CYBB: variants seen among roughly 807,000 people sequenced by gnomAD.
The protein encoded by CYBB is cytochrome b-245 beta chain.
Under a neutral mutation model 46.5 loss-of-function variants are expected in CYBB, and 5 were observed. The ratio of observed to expected loss-of-function variants is 0.11; its 90% confidence interval spans 0.06 to 0.23. CYBB has a LOEUF of 0.23. Ranked by LOEUF, CYBB falls within the 10% of genes least tolerant of loss-of-function variation. CYBB has a pLI of 1.00. For synonymous variants in CYBB, 183 were observed against 156.7 expected, an observed-to-expected ratio of 1.17 and a Z score of -1.26; for missense variants, 307 against 428.3, an observed-to-expected ratio of 0.72 and a Z score of 2.50.
chrX:37,791,774 T>C (rs1474193295), intron 3 of CYBB, among the ~76,000 whole-genome samples: 3 of 111,982 alleles, frequency 2.7e-5, no homozygotes, highest in Non-Finnish European at 5.7e-5. Context: ...AAGCCAGCCA[T>C]GTCACTTACT....
In CYBB at chrX:37,813,362, G is replaced by T. The variant is rs893357106; in HGVS notation, c.*2445G>T. On this transcript the variant is annotated 3_prime_UTR_variant, in exon 13 of 13. Transcript: ENST00000378588. ...TTGTGTTTGTGAAATTTGAATACTT[G>T]CAGGCTTTGTATGTGAATAATTCTA... 9.0e-6 allele frequency: 1 copy of T among 110,798 alleles called. No individual in the cohort carries two copies. Among genetic ancestry groups the T allele is most frequent in the South Asian group, 3.8e-4 (1 of 2,654 alleles). 9.1% of individuals were successfully genotyped at this position (110,798 alleles called of 1,213,427 possible). A position where few individuals can be genotyped will look rare whatever the true frequency, so the allele number is the denominator to read the frequency against.
In CYBB at chrX:37,813,363, C is replaced by T. The variant is rs1477881409; in HGVS notation, c.*2446C>T. ...TGTGTTTGTGAAATTTGAATACTTG[C>T]AGGCTTTGTATGTGAATAATTCTAG... On this transcript the variant is annotated 3_prime_UTR_variant, in exon 13 of 13. Transcript: ENST00000378588. The T allele has an allele frequency of 1.8e-5, 2 of 110,760 alleles. No homozygotes were observed. The highest frequency in any genetic ancestry group is 3.8e-5 in the Non-Finnish European group (2 of 52,877). 9.1% of individuals were successfully genotyped at this position (110,760 alleles called of 1,213,427 possible). A position where few individuals can be genotyped will look rare whatever the true frequency, so the allele number is the denominator to read the frequency against.
intron 11 of CYBB, among the ~76,000 whole-genome samples, chrX:37,806,878 G>C (rs5964146): frequency 0.31 from 32,907 of 107,592 alleles, 5,753 homozygotes; most frequent in African/African-American, 0.67. Context: ...CTGTCTCTCT[G>C]TCTCTCTCTC....
intron 9 of CYBB, 73 bp downstream of exon 9, chrX:37,804,203 A>G (rs1213119287): frequency 3.2e-5 from 34 of 1,052,209 alleles, no homozygotes; most frequent in Non-Finnish European, 4.5e-5. Context: ...CTCTTCCTCC[A>G]TGTTTTACTA....
At chrX:37,786,107 A>T (rs1929061379) in intron 3 of CYBB, among the ~76,000 whole-genome samples, 1 of 112,453 alleles carries the variant, frequency 8.9e-6, no homozygotes, top group Non-Finnish European at 1.9e-5. Flanking sequence ...TTCTTCTGGG[A>T]TTCCTAACCT....
chrX:37,791,878 AT>A (rs1929204150), intron 3 of CYBB, 96 bp from the exon 4 acceptor site: 6 of 641,372 alleles, frequency 9.4e-6, no homozygotes, highest in Non-Finnish European at 1.6e-5. Context: ...CAGGGTGGTC[AT>A]GAAAATTAAA....
At chrX:37,802,254 C>T (rs971629065) in intron 8 of CYBB, among the ~76,000 whole-genome samples, 1 of 111,383 alleles carries the variant, frequency 9.0e-6, no homozygotes, top group Non-Finnish European at 1.9e-5. Flanking sequence ...CACAACAGTT[C>T]TCCTTTTGTG....
intron 11 of CYBB, among the ~76,000 whole-genome samples, chrX:37,807,878 T>C (rs782294641): frequency 6.3e-5 from 7 of 111,291 alleles, no homozygotes; most frequent in Non-Finnish European, 1.1e-4. Context: ...AATGTAAATA[T>C]CCTACAATTA....
rs1206422903 is a variant in CYBB, at chrX:37,811,616, G to C, written c.*699G>C. 1 of 112,125 alleles carries C rather than the reference G, an allele frequency of 8.9e-6. No homozygotes were observed. Among genetic ancestry groups the C allele is most frequent in the Non-Finnish European group, 1.9e-5 (1 of 53,258 alleles). 9.2% of individuals were successfully genotyped at this position (112,125 alleles called of 1,213,427 possible). A position where few individuals can be genotyped will look rare whatever the true frequency, so the allele number is the denominator to read the frequency against. ...ATCATTTACCACTGTGCTTGGCAGA[G>C]AGCGGATACTCAAGTAAGTTTTGTT... is the stretch of plus-strand genomic sequence containing the variant. On this transcript the variant is annotated 3_prime_UTR_variant, in exon 13 of 13. Transcript: ENST00000378588.
chrX:37,797,776 A>G (rs939581066), intron 6 of CYBB, among the ~76,000 whole-genome samples: 20 of 111,944 alleles, frequency 1.8e-4, no homozygotes, highest in African/African-American at 5.8e-4. Context: ...AAGTTAAATA[A>G]TTTGCCTGAG....
At chrX:37,806,981 G>A (rs1929578290) in intron 11 of CYBB, among the ~76,000 whole-genome samples, 1 of 110,623 alleles carries the variant, frequency 9.0e-6, no homozygotes, top group African/African-American at 3.3e-5. Flanking sequence ...TTACAATGAA[G>A]TGAAAGCAAT....
At chrX:37,801,586 T>TTGTGTGTGTGTGTGTGTGTGTGTG (rs58302662) in intron 8 of CYBB, among the ~76,000 whole-genome samples, 7 of 84,579 alleles carry the variant, frequency 8.3e-5, no homozygotes, top group East Asian at 3.5e-4. Flanking sequence ...CCCCCACCCA[T>TTGTGTGTGTGTGTGTGTGTGTGTG]TGTGTGTGTG....
At chrX:37,796,257 G>C in intron 6 of CYBB, 116 bp downstream of exon 6, 5 of 644,696 alleles carry the variant, frequency 7.8e-6, no homozygotes, top group Non-Finnish European at 7.7e-6. Flanking sequence ...TCTGCTAAGG[G>C]AATGTGAGAG....
At chrX:37,809,904 G>A (rs782317073) in intron 12 of CYBB, among the ~76,000 whole-genome samples, 2 of 111,854 alleles carry the variant, frequency 1.8e-5, no homozygotes, top group African/African-American at 6.5e-5. Context: ...TTAAAAACAA[G>A]TATTTCCAGG....
At chrX:37,795,898 G>GTA (rs782505530) in intron 5 of CYBB, 53 bp from the exon 6 acceptor site, 1 of 462,617 alleles carries the variant, frequency 2.2e-6, no homozygotes, top group African/African-American at 5.3e-5. Flanking sequence ...ACATGTGTGT[G>GTA]TGTGTGTGTG....
intron 3 of CYBB, among the ~76,000 whole-genome samples, chrX:37,790,304 C>G (rs190976438): frequency 9.0e-6 from 1 of 111,389 alleles, no homozygotes; most frequent in African/African-American, 3.3e-5. Flanking sequence ...AGAATACTTA[C>G]ACTTAAATTC....
intron 3 of CYBB, among the ~76,000 whole-genome samples, chrX:37,787,758 T>A (rs1205977627): frequency 8.9e-6 from 1 of 111,816 alleles, no homozygotes; most frequent in Non-Finnish European, 1.9e-5. Flanking sequence ...TTCCTTCCTA[T>A]GCCACCAACC....
chrX:37,792,591 T>C (rs1178214274), intron 4 of CYBB, among the ~76,000 whole-genome samples: 1 of 110,835 alleles, frequency 9.0e-6, no homozygotes, highest in Non-Finnish European at 1.9e-5. Context: ...TATGTTATTA[T>C]TAAAATTATT....
intron 8 of CYBB, among the ~76,000 whole-genome samples, chrX:37,803,546 G>A (rs1929490865): frequency 9.0e-6 from 1 of 111,645 alleles, no homozygotes; most frequent in South Asian, 3.7e-4. Flanking sequence ...GCAGGAATGG[G>A]GAGAGAGAAA....
Sources: allele counts gnomAD v4.1 joint callset (sites outside exome capture counted in the v4.1 genomes callset), GRCh38; gene constraint gnomAD v4.1.1; transcripts MANE v1.5; gene names NCBI Gene and HGNC (gene_info 2026-07-23, HGNC 2026-07-21).